The following MYO6 variants were observed in gnomAD, a reference collection of about 807,000 sequenced individuals.
The protein encoded by MYO6 is unconventional myosin-VI.
In MYO6, 74 loss-of-function variants were observed where a neutral mutation model predicts 178.7. That is an observed-to-expected ratio of 0.41 (90% CI 0.34 to 0.50). The LOEUF (loss-of-function observed/expected upper bound fraction) is 0.50, where lower values mean the gene tolerates loss of function less well. Among genes scored for constraint, MYO6 ranks in the 20% least tolerant of loss-of-function variants. MYO6 has a pLI of 0.09. For missense variants in MYO6, 1,330 were observed against 1,547.4 expected (o/e 0.86, Z 2.36); for synonymous variants, 477 against 504.6 (o/e 0.95, Z 0.73).
At chr6:75,817,455 T>C in intron 1 of MYO6, 46 bp from the exon 2 acceptor site, 1 of 985,924 alleles carries the variant, frequency 1.0e-6, no homozygotes, top group South Asian at 1.3e-5. Flanking sequence ...GTTTTATATA[T>C]ATTTCAAAAC....
At chr6:75,840,958 A>G (rs1013903021) in intron 8 of MYO6, among the ~76,000 whole-genome samples, 10 of 152,270 alleles carry the variant, frequency 6.6e-5, no homozygotes, top group East Asian at 3.9e-4. Flanking sequence ...TGCAAGGTCA[A>G]TTGTGATTCT....
At chr6:75,779,116 C>T (rs1360918399) in intron 1 of MYO6, among the ~76,000 whole-genome samples, 1 of 149,846 alleles carries the variant, frequency 6.7e-6, no homozygotes, top group Non-Finnish European at 1.5e-5. Context: ...TCAGTCTGGT[C>T]TCCAGCTCAT....
chr6:75,815,478 A>G (rs1430545149), intron 1 of MYO6, among the ~76,000 whole-genome samples: 3 of 152,258 alleles, frequency 2.0e-5, no homozygotes, highest in African/African-American at 4.8e-5. Flanking sequence ...TCACTCATAC[A>G]TAAATGGTAT....
chr6:75,915,133 T>C lies in MYO6; in HGVS notation c.*121T>C. Reference sequence around the variant, plus strand: ...TTACTTCTATAAAGTGAACAGATTTTATTAATCACGGCTTTTGGTGAATTT... The same window carrying C: ...TTACTTCTATAAAGTGAACAGATTTCATTAATCACGGCTTTTGGTGAATTT... On this transcript the variant is annotated 3_prime_UTR_variant, in exon 35 of 35. Transcript: ENST00000369977. 1 of 1,001,840 alleles carries C rather than the reference T, an allele frequency of 1.0e-6. No individual in the cohort carries two copies. Among genetic ancestry groups the C allele is most frequent in the Admixed American group, 2.1e-5 (1 of 47,676 alleles). 62.1% of individuals were successfully genotyped at this position (1,001,840 alleles called of 1,614,324 possible).
intron 30 of MYO6, among the ~76,000 whole-genome samples, chr6:75,900,483 C>T (rs1295979879): frequency 1.3e-5 from 2 of 152,176 alleles, no homozygotes; most frequent in African/African-American, 4.8e-5. Flanking sequence ...TCTCTGATGG[C>T]CAGTGATGGT....
intron 1 of MYO6, among the ~76,000 whole-genome samples, chr6:75,791,417 AATG>A (rs1768238107): frequency 6.6e-6 from 1 of 152,328 alleles, no homozygotes; most frequent in East Asian, 1.9e-4. Context: ...ATAAAATTTT[AATG>A]ATTTCTAACC....
chr6:75,762,006 A>G (rs1007835098), intron 1 of MYO6, among the ~76,000 whole-genome samples: 9 of 150,490 alleles, frequency 6.0e-5, no homozygotes, highest in East Asian at 3.9e-4. Context: ...ATCTCGGCTC[A>G]CTACAAGCCC....
At position 75,822,772 on chromosome 6, in the gene MYO6, T is replaced by C; in HGVS notation, c.118-10T>C. On this transcript the variant is annotated splice_polypyrimidine_tract_variant and intron_variant, in intron 2 of 34. Coordinates refer to ENST00000369977, the MANE Select transcript of MYO6 (RefSeq NM_004999.4). ...CCTTGAGTTTAATGAGCATTTGTTT[T>C]GCTTGTTAGACATTTTTGGCTCTCA... The C allele has an allele frequency of 6.2e-7, 1 of 1,612,158 alleles. No individual in the cohort carries two copies. The highest frequency in any genetic ancestry group is 8.5e-7 in the Non-Finnish European group (1 of 1,178,432).
chr6:75,850,626 A>G (rs930945039), intron 11 of MYO6, among the ~76,000 whole-genome samples: 1 of 152,244 alleles, frequency 6.6e-6, no homozygotes, highest in Admixed American at 6.5e-5. Context: ...GAGATGCAAC[A>G]TAACATAGTG....
chr6:75,752,142 G>A (rs1241320607), intron 1 of MYO6, among the ~76,000 whole-genome samples: 3 of 151,880 alleles, frequency 2.0e-5, no homozygotes, highest in African/African-American at 7.3e-5. Context: ...ACAGGTGCCC[G>A]CCACCACACC....
intron 1 of MYO6, among the ~76,000 whole-genome samples, chr6:75,767,064 C>T (rs992959184): frequency 3.3e-5 from 5 of 150,334 alleles, no homozygotes; most frequent in South Asian, 2.1e-4. Context: ...CTTGCTCTGT[C>T]GCCCAGGCTG....
chr6:75,799,207 T>C (rs540367243), intron 1 of MYO6, among the ~76,000 whole-genome samples: 23 of 152,132 alleles, frequency 1.5e-4, no homozygotes. Context: ...CTGGCCAACA[T>C]GGTGAAACCC....
In MYO6 at chr6:75,906,416, C is replaced by T. The variant is rs1211099582; in HGVS notation, c.3177-1189C>T. Among the ~76,000 whole-genome samples the T allele has an allele frequency of 2.0e-5, 3 of 152,150 alleles. No individual in the cohort carries two copies. The East Asian group carries it at 5.8e-4, about 29-fold the overall frequency. On this transcript the variant is annotated intron_variant, in intron 30 of 34. Transcript: ENST00000369977. ...AAAGGCCAGGTGTGGTGGCTCACGCCTGTAATCCCAGCACTTTGGGAGGCT... is the reference window on the plus strand; with the variant it reads ...AAAGGCCAGGTGTGGTGGCTCACGCTTGTAATCCCAGCACTTTGGGAGGCT...
At chr6:75,897,005 G>C (rs1779357618) in intron 29 of MYO6, among the ~76,000 whole-genome samples, 1 of 152,212 alleles carries the variant, frequency 6.6e-6, no homozygotes, top group Non-Finnish European at 1.5e-5. Context: ...GGTGTATCTT[G>C]ATGCAGGGTC....
chr6:75,898,767 G>A (rs954915520), intron 30 of MYO6, among the ~76,000 whole-genome samples: 1 of 152,100 alleles, frequency 6.6e-6, no homozygotes, highest in Admixed American at 6.5e-5. Context: ...CTGGGGTGGT[G>A]CTGCCCCTAA....
intron 16 of MYO6, among the ~76,000 whole-genome samples, chr6:75,863,138 C>G (rs1022181453): frequency 3.3e-5 from 5 of 152,116 alleles, no homozygotes; most frequent in Non-Finnish European, 7.3e-5. Context: ...CATGGTCTCC[C>G]TTCTGAGCTA....
rs1340324991 is a variant in MYO6, at chr6:75,908,610, A to C, written c.3395A>C (p.Lys1132Thr). 4.3e-6 allele frequency: 7 copies of C among 1,613,614 alleles called. No individual in the cohort carries two copies. Among genetic ancestry groups the C allele is most frequent in the Non-Finnish European group, 5.9e-6 (7 of 1,179,680 alleles). ...ACTGAAACAGAGCAACGTGCTCCAA[A>C]GTCTGTTACTGATTATGGTAAAGAG... Reference protein sequence around the residue: ...RNTETEQRAPKSVTDYDFAPF... With the variant: ...RNTETEQRAPTSVTDYDFAPF... The change falls in exon 32 of 35, where the codon AAG (lysine) becomes ACG (threonine). Residue 1132 changes from lysine to threonine, a missense_variant. Physicochemically the swap from Lys to Thr is moderately conservative, Grantham distance 78. Around this residue, in one of 3 missense-constraint regions of MYO6, gnomAD observed 601 missense variants for 626.1 expected, o/e 0.96. Coordinates refer to ENST00000369977, the MANE Select transcript of MYO6 (RefSeq NM_004999.4).
chr6:75,806,919 T>C (rs2150134772), intron 1 of MYO6, among the ~76,000 whole-genome samples: 1 of 152,298 alleles, frequency 6.6e-6, no homozygotes, highest in Middle Eastern at 3.4e-3. Flanking sequence ...TATTTCTGTG[T>C]GTGTGTGTGT....
intron 6 of MYO6, among the ~76,000 whole-genome samples, chr6:75,833,223 G>A (rs901645649): frequency 7.2e-5 from 11 of 152,162 alleles, no homozygotes; most frequent in African/African-American, 2.7e-4. Context: ...TCTGGGCTGG[G>A]CTTGAGCAAC....
Sources: allele counts gnomAD v4.1 joint callset (sites outside exome capture counted in the v4.1 genomes callset), GRCh38; gene constraint gnomAD v4.1.1; regional missense constraint gnomAD v4.1.1; transcripts MANE v1.5; gene names NCBI Gene and HGNC (gene_info 2026-07-23, HGNC 2026-07-21).